SKAP2: variants seen among roughly 807,000 people sequenced by gnomAD.
The protein encoded by SKAP2 is src kinase-associated phosphoprotein 2.
A neutral mutation model predicts 54.9 loss-of-function variants in SKAP2; 28 were observed. The observed-to-expected ratio is 0.51, with a 90% confidence interval of 0.38 to 0.70. The LOEUF is 0.70. Among genes scored for constraint, SKAP2 ranks in the 30% least tolerant of loss-of-function variants. The probability of loss-of-function intolerance (pLI) is 0.00; values close to 1 mark genes in which losing one functional copy is unlikely to be tolerated. For synonymous variants in SKAP2, 137 were observed against 134.3 expected, an observed-to-expected ratio of 1.02 and a Z score of -0.14; for missense variants, 356 against 424.1, an observed-to-expected ratio of 0.84 and a Z score of 1.41.
intron 4 of SKAP2, among the ~76,000 whole-genome samples, chr7:26,748,718 C>A (rs1233591044): frequency 6.6e-6 from 1 of 151,916 alleles, no homozygotes; most frequent in Admixed American, 6.6e-5. Context: ...AAATATAATT[C>A]TAAATATATC....
intron 3 of SKAP2, among the ~76,000 whole-genome samples, chr7:26,851,932 T>C (rs1225594517): frequency 6.6e-6 from 1 of 152,072 alleles, no homozygotes; most frequent in Non-Finnish European, 1.5e-5. Context: ...TACCTGGTCC[T>C]TTTTACCCCC....
chr7:26,765,417 T>C (rs953115097), intron 4 of SKAP2, among the ~76,000 whole-genome samples: 3 of 152,186 alleles, frequency 2.0e-5, no homozygotes, highest in African/African-American at 7.2e-5. Context: ...ATTCTGTAGG[T>C]TGTCTCCTCA....
intron 9 of SKAP2, among the ~76,000 whole-genome samples, chr7:26,695,207 T>C (rs1218974500): frequency 6.6e-6 from 1 of 152,200 alleles, no homozygotes; most frequent in Non-Finnish European, 1.5e-5. Context: ...TAAATTATAA[T>C]GTACTTTAAA....
At chr7:26,836,608 G>T (rs942437323) in intron 4 of SKAP2, among the ~76,000 whole-genome samples, 1 of 152,160 alleles carries the variant, frequency 6.6e-6, no homozygotes, top group South Asian at 2.1e-4. Context: ...CACTGGACAT[G>T]AGAGAAATGA....
the SKAP2 span, among the ~76,000 whole-genome samples, chr7:26,658,823 ACCCCCCAC>A: frequency 1.5e-5 from 2 of 133,422 alleles, no homozygotes; most frequent in Admixed American, 1.5e-4. Flanking sequence ...ATGAATACCC[ACCCCCCAC>A]CCCCCCACCA....
At chr7:26,839,964 G>A (rs539197277) in intron 4 of SKAP2, among the ~76,000 whole-genome samples, 1 of 151,690 alleles carries the variant, frequency 6.6e-6, no homozygotes, top group Non-Finnish European at 1.5e-5. Flanking sequence ...TTGTACATTG[G>A]ATTTTTGTAA....
chr7:26,799,334 T>G (rs745969834), intron 4 of SKAP2, among the ~76,000 whole-genome samples: 15 of 151,478 alleles, frequency 9.9e-5, no homozygotes, highest in African/African-American at 3.6e-4. Context: ...ATTTCACCTA[T>G]AAGCACACAT....
intron 7 of SKAP2, chr7:26,726,562 G>A (rs908203521): frequency 1.5e-5 from 3 of 195,420 alleles, no homozygotes; most frequent in African/African-American, 4.7e-5. Flanking sequence ...TACTCTTTCT[G>A]CTATGTAATT....
intron 4 of SKAP2, among the ~76,000 whole-genome samples, chr7:26,817,509 C>G (rs1435053568): frequency 1.3e-5 from 2 of 152,110 alleles, no homozygotes; most frequent in East Asian, 3.9e-4. Context: ...ACCTATGTCT[C>G]ATGCATTTTT....
rs749596541 is a variant in SKAP2, at chr7:26,739,861, A to G, written c.385+26T>C. 67 of 1,523,338 alleles carry G rather than the reference A, an allele frequency of 4.4e-5. 2 individuals carry two copies. In the Middle Eastern group the frequency reaches 6.8e-4, roughly 16 times the overall value. The allele number at this position is 1,523,338 out of a possible 1,614,324, so 94.4% of individuals were successfully genotyped here. ...TATCTAAGGATGAAATTATTTTTAC[A>G]TTTTTCATTAGAACCTTCAGTTTAC... On this transcript the variant is annotated intron_variant, in intron 5 of 12. Transcript: ENST00000345317.
rs1786904215 is a variant in SKAP2, at chr7:26,696,812, G to A, written c.797-6450C>T. 2.0e-5 allele frequency among the ~76,000 whole-genome samples: 3 copies of A among 152,086 alleles called. No individual in the cohort carries two copies. The South Asian group carries it at 6.2e-4, about 32-fold the overall frequency. ...TTTAAACACAAATCTGCTTTGGGAGGCCAAGGCAGGAGGATCGCTTAACAG... is the reference window on the plus strand; with the variant it reads ...TTTAAACACAAATCTGCTTTGGGAGACCAAGGCAGGAGGATCGCTTAACAG... On this transcript the variant is annotated intron_variant, in intron 9 of 12. Coordinates refer to ENST00000345317, the MANE Select transcript of SKAP2 (RefSeq NM_003930.5).
Position 26,823,406 on chromosome 7 carries a change from A to G in SKAP2, c.307+20624T>C, listed in dbSNP as rs541089101. ...ATGCCACTGCACTCCAGCCTCGGCA[A>G]CAGAGTGAGACTTTGTCTCAAAAAA... is the stretch of plus-strand genomic sequence containing the variant. On this transcript the variant is annotated intron_variant, in intron 4 of 12. Coordinates refer to ENST00000345317, the MANE Select transcript of SKAP2 (RefSeq NM_003930.5). 2.5e-4 allele frequency among the ~76,000 whole-genome samples: 36 copies of G among 143,530 alleles called. 1 individual carries two copies. In the South Asian group the frequency reaches 8.3e-3, roughly 33 times the overall value. 94.2% of individuals were successfully genotyped at this position (143,530 alleles called of 152,430 possible).
chr7:26,781,878 A>G (rs1013496510), intron 4 of SKAP2, among the ~76,000 whole-genome samples: 13 of 152,148 alleles, frequency 8.5e-5, no homozygotes, highest in Non-Finnish European at 1.5e-5. Flanking sequence ...TCCTCACACT[A>G]TAGACACTCT....
chr7:26,714,903 C>G (rs1787397789), intron 9 of SKAP2, among the ~76,000 whole-genome samples: 1 of 151,876 alleles, frequency 6.6e-6, no homozygotes, highest in Admixed American at 6.6e-5. Context: ...ATATGGGAGA[C>G]AAATCATATC....
At chr7:26,800,757 A>T (rs1562615722) in intron 4 of SKAP2, among the ~76,000 whole-genome samples, 1 of 152,332 alleles carries the variant, frequency 6.6e-6, no homozygotes, top group East Asian at 1.9e-4. Context: ...GAAGAAATGG[A>T]CAAATTCCTA....
At chr7:26,745,971 T>C (rs1782552074) in intron 4 of SKAP2, among the ~76,000 whole-genome samples, 1 of 152,212 alleles carries the variant, frequency 6.6e-6, no homozygotes, top group African/African-American at 2.4e-5. Context: ...CTAGATTAGC[T>C]TCTCCAGTTC....
At chr7:26,742,605 T>C (rs1176350273) in intron 4 of SKAP2, 1 of 152,160 alleles carries the variant, frequency 6.6e-6, no homozygotes, top group Admixed American at 6.5e-5. Context: ...TAATATAAAA[T>C]CTTTGATTTC....
chr7:26,726,131 A>G, intron 7 of SKAP2, 145 bp from the exon 8 acceptor site: 1 of 570,980 alleles, frequency 1.8e-6, no homozygotes, highest in South Asian at 2.4e-5. Flanking sequence ...TATAATGTAC[A>G]GTTAATTTTG....
At chr7:26,841,346 TAA>T (rs993332543) in intron 4 of SKAP2, among the ~76,000 whole-genome samples, 1 of 141,018 alleles carries the variant, frequency 7.1e-6, no homozygotes, top group Non-Finnish European at 1.6e-5. Context: ...AGTTGGCCAA[TAA>T]AAAAAAAAAG....
Sources: gnomAD v4.1 joint callset for allele counts (sites outside exome capture counted in the v4.1 genomes callset) on GRCh38, gnomAD v4.1.1 for gene constraint, MANE v1.5 for transcripts, NCBI Gene and HGNC (gene_info 2026-07-23, HGNC 2026-07-21) for gene names.